The following KIF11 variants were observed in gnomAD, a reference collection of about 807,000 sequenced individuals.
KIF11 encodes kinesin family member 11, also known as kinesin-like protein KIF11.
KIF11 carries 9 observed loss-of-function variants against 121.0 expected under a neutral mutation model. That is an observed-to-expected ratio of 0.07 (90% CI 0.04 to 0.13). KIF11 has a LOEUF of 0.13. Ranked by LOEUF, KIF11 falls within the 10% of genes least tolerant of loss-of-function variation. KIF11 has a pLI of 1.00. For missense variants in KIF11, 846 were observed against 1,217.5 expected, an observed-to-expected ratio of 0.69 and a Z score of 4.54; for synonymous variants, 408 against 421.0, an observed-to-expected ratio of 0.97 and a Z score of 0.38.
chr10:92,645,838 T>C (rs989873607), intron 18 of KIF11, among the ~76,000 whole-genome samples, 196 bp downstream of exon 18: 1 of 152,196 alleles, frequency 6.6e-6, no homozygotes, highest in Non-Finnish European at 1.5e-5. Flanking sequence ...TTGGAATTAA[T>C]TTAACATTTG....
chr10:92,645,240 G>C (rs1184462833), intron 17 of KIF11, 123 bp from the exon 18 acceptor site: 2 of 648,386 alleles, frequency 3.1e-6, no homozygotes, highest in East Asian at 2.8e-5. Context: ...CTAAGATCAC[G>C]GGCCCTGGAG....
At chr10:92,644,565 TGCCTCG>T (rs541807931) in intron 17 of KIF11, among the ~76,000 whole-genome samples, 81 of 152,318 alleles carry the variant, frequency 5.3e-4, no homozygotes, top group Non-Finnish European at 1.0e-3. Flanking sequence ...GTGATCCACC[TGCCTCG>T]GCCTCCCAAA....
chr10:92,593,431 T>C lies in KIF11; in HGVS notation c.56T>C (p.Ile19Thr). 1 of 1,610,724 alleles carries C rather than the reference T, an allele frequency of 6.2e-7. No individual in the cohort carries two copies. Among genetic ancestry groups the C allele is most frequent in the Admixed American group, 1.7e-5 (1 of 59,294 alleles). ...AKKKEEKGKN[I>T]QVVVRCRPFN... is the part of the protein sequence containing the mutation. Reference sequence around the variant, plus strand: ...AAGAAAGAGGAGAAGGGGAAGAACATCCAGGTGGTGGTGAGATGCAGGTAG... The same window carrying C: ...AAGAAAGAGGAGAAGGGGAAGAACACCCAGGTGGTGGTGAGATGCAGGTAG... Residue 19 changes from isoleucine to threonine, a missense_variant, in exon 1 of 22, where the codon ATC (isoleucine) becomes ACC (threonine). Around this residue, in one of 5 missense-constraint regions of KIF11, gnomAD observed 140 missense variants for 193.5 expected, o/e 0.72. Transcript: ENST00000260731.
At chr10:92,600,935 A>C (rs1180372361) in intron 1 of KIF11, among the ~76,000 whole-genome samples, 2 of 151,292 alleles carry the variant, frequency 1.3e-5, no homozygotes, top group Non-Finnish European at 2.9e-5. Flanking sequence ...ATCTCTGCTT[A>C]CTGTTACCTC....
intron 4 of KIF11, among the ~76,000 whole-genome samples, chr10:92,608,458 A>C (rs12261697): frequency 0.15 from 22,347 of 150,200 alleles, 3,508 homozygotes; most frequent in African/African-American, 0.4. Context: ...TTTTTTTTTG[A>C]GACGGAGTCT....
At chr10:92,602,639 G>A (rs890534991) in intron 1 of KIF11, among the ~76,000 whole-genome samples, 1 of 151,978 alleles carries the variant, frequency 6.6e-6, no homozygotes, top group African/African-American at 2.4e-5. Context: ...TTAGGGTGTT[G>A]ATATGAGATC....
chr10:92,636,538 C>G (rs1844799093), intron 14 of KIF11, among the ~76,000 whole-genome samples: 1 of 152,022 alleles, frequency 6.6e-6, no homozygotes, highest in Admixed American at 6.6e-5. Flanking sequence ...ATCGCTTGAA[C>G]CCAGGAGGCG....
Position 92,606,327 on chromosome 10 carries a change from G to A in KIF11, c.140G>A (p.Arg47Gln), listed in dbSNP as rs780120726. 5.0e-6 allele frequency: 8 copies of A among 1,612,118 alleles called. No homozygotes were observed. Among genetic ancestry groups the A allele is most frequent in the East Asian group, 2.2e-5 (1 of 44,840 alleles). ...AHSIVECDPV[R>Q]KEVSVRTGGL... Reference sequence around the variant, plus strand: ...TCAATAGTAGAATGTGATCCTGTACGAAAAGAAGTTAGTGTACGAACTGGA... The same window carrying A: ...TCAATAGTAGAATGTGATCCTGTACAAAAAGAAGTTAGTGTACGAACTGGA... The change falls in exon 2 of 22, where the codon CGA becomes CAA. Residue 47 changes from arginine (R) to glutamine (Q), a missense_variant. Arg to Gln is a conservative substitution (Grantham distance 43, BLOSUM62 1). Coordinates refer to ENST00000260731, the MANE Select transcript of KIF11 (RefSeq NM_004523.4).
chr10:92,630,798 C>G (rs12243009), intron 12 of KIF11, among the ~76,000 whole-genome samples: 13,071 of 137,144 alleles, frequency 0.095, 653 homozygotes, highest in Middle Eastern at 0.15. Flanking sequence ...ACCCGGGAGG[C>G]AGAGGTTGCG....
intron 11 of KIF11, among the ~76,000 whole-genome samples, 186 bp downstream of exon 11, chr10:92,629,081 A>G (rs562762957): frequency 7.9e-5 from 12 of 152,178 alleles, no homozygotes; most frequent in Admixed American, 3.3e-4. Flanking sequence ...CCCAGGGTCA[A>G]GCGATTCTCC....
intron 6 of KIF11, 74 bp downstream of exon 6, chr10:92,609,583 TG>T: frequency 6.8e-7 from 1 of 1,479,390 alleles, no homozygotes; most frequent in Non-Finnish European, 9.1e-7. Context: ...AAAGTCAAAT[TG>T]GGGTGGGTCA....
intron 13 of KIF11, among the ~76,000 whole-genome samples, chr10:92,633,384 A>G (rs1844759729): frequency 6.6e-6 from 1 of 151,958 alleles, no homozygotes; most frequent in Non-Finnish European, 1.5e-5. Context: ...TTTGTGTACT[A>G]TGAATTATAG....
intron 4 of KIF11, 89 bp downstream of exon 4, chr10:92,607,326 G>C: frequency 1.4e-6 from 1 of 717,380 alleles, no homozygotes. Flanking sequence ...TCTTGGAATA[G>C]AGATCAGAGT....
At chr10:92,625,515 A>C (rs1055689670) in intron 10 of KIF11, among the ~76,000 whole-genome samples, 3 of 151,700 alleles carry the variant, frequency 2.0e-5, no homozygotes, top group African/African-American at 7.3e-5. Flanking sequence ...TGCCCGGCTA[A>C]TTTTTGTATT....
intron 10 of KIF11, among the ~76,000 whole-genome samples, chr10:92,622,501 G>A (rs1400391591): frequency 6.6e-6 from 1 of 151,750 alleles, no homozygotes; most frequent in African/African-American, 2.4e-5. Flanking sequence ...TGTAATCCCA[G>A]CTACTCGGGA....
chr10:92,627,840 CCA>C (rs1384871766), intron 10 of KIF11, among the ~76,000 whole-genome samples: 3 of 151,922 alleles, frequency 2.0e-5, no homozygotes, highest in Non-Finnish European at 4.4e-5. Flanking sequence ...GAAGATTTGC[CCA>C]GTTTGCTTGG....
In KIF11 at chr10:92,621,433, C is replaced by A; in HGVS notation, c.1177C>A (p.Arg393Ser). The A allele has an allele frequency of 6.2e-7, 1 of 1,612,956 alleles. No homozygotes were observed. Among genetic ancestry groups the A allele is most frequent in the African/African-American group, 1.3e-5 (1 of 74,908 alleles). ...ERLKRDLAAAREKNGVYISEE... is the reference protein window; with the variant it reads ...ERLKRDLAAASEKNGVYISEE... ...TTTAAAACGAGATCTTGCTGCAGCC[C>A]GTGAGAAAAATGGAGTGTATATTTC... The change falls in exon 10 of 22, where the codon CGT (arginine) becomes AGT (serine). Residue 393 changes from arginine (R) to serine (S), a missense_variant. Coordinates refer to ENST00000260731, the MANE Select transcript of KIF11 (RefSeq NM_004523.4).
At chr10:92,605,743 C>T (rs192279497) in intron 1 of KIF11, among the ~76,000 whole-genome samples, 4,265 of 152,306 alleles carry the variant, frequency 0.028, 86 homozygotes, top group Non-Finnish European at 0.044. Flanking sequence ...GCCTCGGCCT[C>T]CCAAAGTGCT....
intron 4 of KIF11, 53 bp from the exon 5 acceptor site, chr10:92,608,967 C>A: frequency 3.9e-6 from 4 of 1,012,972 alleles, no homozygotes; most frequent in Non-Finnish European, 4.2e-6. Flanking sequence ...TGTATTTTAA[C>A]TGCCACAGTA....
Sources: allele counts gnomAD v4.1 joint callset (sites outside exome capture counted in the v4.1 genomes callset), GRCh38; gene constraint gnomAD v4.1.1; regional missense constraint gnomAD v4.1.1; transcripts MANE v1.5; gene names NCBI Gene and HGNC (gene_info 2026-07-23, HGNC 2026-07-21).